The following DRD3 variants were observed in gnomAD, a reference collection of about 807,000 sequenced individuals.
The protein encoded by DRD3 is D(3) dopamine receptor.
A neutral mutation model predicts 36.3 loss-of-function variants in DRD3; 19 were observed. That is an observed-to-expected ratio of 0.52 (90% CI 0.36 to 0.77). The LOEUF (loss-of-function observed/expected upper bound fraction) is 0.77. Among genes scored for constraint, DRD3 ranks in the 30% least tolerant of loss-of-function variants. The pLI is 0.00. For synonymous variants in DRD3, 195 were observed against 203.7 expected (o/e 0.96, Z 0.36); for missense variants, 465 against 505.3 (o/e 0.92, Z 0.77).
At chr3:114,171,284 A>T (rs1008102575) in intron 2 of DRD3, among the ~76,000 whole-genome samples, 7 of 150,016 alleles carry the variant, frequency 4.7e-5, no homozygotes, top group Admixed American at 3.3e-4. Context: ...ACATTCACTA[A>T]TTTTTTTTTT....
upstream of DRD3, among the ~76,000 whole-genome samples, chr3:114,181,443 A>C (rs962154859): frequency 2.0e-5 from 3 of 152,240 alleles, no homozygotes; most frequent in Admixed American, 1.3e-4. Flanking sequence ...GGCACTTCCC[A>C]TTCATACAAC....
At chr3:114,164,220 CAAAAA>C (rs34500434) in intron 2 of DRD3, among the ~76,000 whole-genome samples, 160 of 17,736 alleles carry the variant, frequency 9.0e-3, no homozygotes, top group African/African-American at 0.016. Flanking sequence ...GCCTCAGTCT[CAAAAA>C]AAAAAAAAAA....
upstream of DRD3, among the ~76,000 whole-genome samples, chr3:114,179,436 G>A (rs114607171): frequency 6.6e-4 from 101 of 152,286 alleles, no homozygotes; most frequent in African/African-American, 2.3e-3. Flanking sequence ...AATGTTAAAT[G>A]TTTACTTAGC....
chr3:114,176,507 A>G lies in DRD3; in HGVS notation c.-36+2150T>C, dbSNP rs112575208. Among the ~76,000 whole-genome samples the G allele has an allele frequency of 4.4e-3, 672 of 152,250 alleles. 4 individuals carry two copies. The highest frequency in any genetic ancestry group is 0.015 in the African/African-American group (605 of 41,552). On this transcript the variant is annotated intron_variant, in intron 1 of 6. Coordinates refer to ENST00000383673, the MANE Select transcript of DRD3 (RefSeq NM_000796.6). Reference sequence around the variant, plus strand: ...GTATTCCCAGCTACTCGAAAGACTGAGGCAGGAAGATTGCTTGAGTCCAGG... The same window carrying G: ...GTATTCCCAGCTACTCGAAAGACTGGGGCAGGAAGATTGCTTGAGTCCAGG...
upstream of DRD3, among the ~76,000 whole-genome samples, chr3:114,182,810 A>T (rs946549167): frequency 6.6e-6 from 1 of 152,152 alleles, no homozygotes; most frequent in South Asian, 2.1e-4. Flanking sequence ...AAATTCATTG[A>T]TATTGAAGTA....
intron 1 of DRD3, among the ~76,000 whole-genome samples, chr3:114,176,530 A>G (rs1197186620): frequency 6.6e-6 from 1 of 152,138 alleles, no homozygotes; most frequent in African/African-American, 2.4e-5. Flanking sequence ...GCTTGAGTCC[A>G]GGAGTTAGAG....
At position 114,143,723 on chromosome 3, in the gene DRD3, G is replaced by A. The variant is rs1049041428; in HGVS notation, c.526+3692C>T. ...AGCTCCAGTGCTCTGAAAACTAGGT[G>A]AGATGTTCTATTGATGAAATCAAAT... On this transcript the variant is annotated intron_variant, in intron 4 of 6. Coordinates refer to ENST00000383673, the MANE Select transcript of DRD3 (RefSeq NM_000796.6). 2.5e-4 allele frequency among the ~76,000 whole-genome samples: 38 copies of A among 152,150 alleles called. 1 individual carries two copies. Among genetic ancestry groups the A allele is most frequent in the Admixed American group, 1.2e-3 (18 of 15,280 alleles).
chr3:114,148,762 G>C (rs1480055735), intron 3 of DRD3, among the ~76,000 whole-genome samples: 1 of 152,126 alleles, frequency 6.6e-6, no homozygotes, highest in African/African-American at 2.4e-5. Context: ...GCCCAGGCTG[G>C]AGTGCAGTGG....
intron 1 of DRD3, among the ~76,000 whole-genome samples, chr3:114,196,320 T>G (rs1478268494): frequency 1.3e-5 from 2 of 152,160 alleles, no homozygotes; most frequent in East Asian, 3.8e-4. Context: ...ACTTTTTCAT[T>G]TTTATTTTTT....
At chr3:114,159,978 C>T (rs769054339) in intron 2 of DRD3, 111 bp from the exon 3 acceptor site, 466 of 849,706 alleles carry the variant, frequency 5.5e-4, no homozygotes, top group Non-Finnish European at 7.5e-4. Flanking sequence ...CACTCCTACT[C>T]CCTGTGTACC....
chr3:114,146,481 G>A (rs970923511), intron 4 of DRD3, among the ~76,000 whole-genome samples: 8 of 152,086 alleles, frequency 5.3e-5, no homozygotes, highest in African/African-American at 1.9e-4. Flanking sequence ...ATTTTGGGAG[G>A]CCGAGGCGGG....
intron 4 of DRD3, among the ~76,000 whole-genome samples, chr3:114,144,020 C>A (rs1353399133): frequency 1.3e-5 from 2 of 152,230 alleles, no homozygotes; most frequent in Non-Finnish European, 2.9e-5. Context: ...CACCAGCACA[C>A]CATGCTCTGC....
Position 114,127,770 on chromosome 3 carries a change from CATT to C in DRD3, c.*943_*945del, listed in dbSNP as rs1402158178. On this transcript the variant is annotated 3_prime_UTR_variant, in exon 7 of 7. Coordinates refer to ENST00000383673, the MANE Select transcript of DRD3 (RefSeq NM_000796.6). ...TTAAGTGATAGAAATTCTTCAGCTC[CATT>C]ATTATCTTATGAGACCACCGTTGTA... is the stretch of plus-strand genomic sequence containing the variant. Among the ~76,000 whole-genome samples the C allele has an allele frequency of 6.6e-6, 1 of 152,102 alleles. No individual in the cohort carries two copies. Among genetic ancestry groups the C allele is most frequent in the Non-Finnish European group, 1.5e-5 (1 of 68,022 alleles).
rs2077392059 is a variant in DRD3 at position 114,127,644 on chromosome 3, A to G, written c.*1072T>C. ...AGTATTACGTACTGTACACAATTGT[A>G]TACTTTTACACGACTGGCAGCATCA... On this transcript the variant is annotated 3_prime_UTR_variant, in exon 7 of 7. Coordinates refer to ENST00000383673, the MANE Select transcript of DRD3 (RefSeq NM_000796.6). Among the ~76,000 whole-genome samples, 1 of 152,268 alleles carries G rather than the reference A, an allele frequency of 6.6e-6. No individual in the cohort carries two copies. Among genetic ancestry groups the G allele is most frequent in the African/African-American group, 2.4e-5 (1 of 41,480 alleles).
chr3:114,199,340 T>G (rs2078052937), exon 1 of DRD3: 1 of 152,408 alleles, frequency 6.6e-6, no homozygotes, highest in Non-Finnish European at 1.5e-5. Flanking sequence ...TGCTGTGTCA[T>G]CTCATGGCGG....
chr3:114,193,290 GACAACAACA>G (rs201054154), intron 1 of DRD3, among the ~76,000 whole-genome samples: 4 of 125,700 alleles, frequency 3.2e-5, no homozygotes, highest in East Asian at 2.1e-4. Flanking sequence ...AAACAACAAC[GACAACAACA>G]ACAACAACAA....
At chr3:114,166,106 C>A (rs1274705507) in intron 2 of DRD3, among the ~76,000 whole-genome samples, 1 of 151,616 alleles carries the variant, frequency 6.6e-6, no homozygotes, top group East Asian at 1.9e-4. Context: ...CTGCCTTAGC[C>A]TCCCAAGTAT....
chr3:114,186,648 A>G (rs1237354414), intron 1 of DRD3, among the ~76,000 whole-genome samples: 1 of 152,224 alleles, frequency 6.6e-6, no homozygotes, highest in Non-Finnish European at 1.5e-5. Flanking sequence ...TGTATGCCAC[A>G]TTGCTGGAAG....
At chr3:114,185,860 A>C (rs1190784681) in intron 1 of DRD3, among the ~76,000 whole-genome samples, 1 of 152,126 alleles carries the variant, frequency 6.6e-6, no homozygotes, top group Non-Finnish European at 1.5e-5. Context: ...ATTTATTTAT[A>C]GAAGTGGAGT....
Sources: gnomAD v4.1 joint callset for allele counts (sites outside exome capture counted in the v4.1 genomes callset) on GRCh38, gnomAD v4.1.1 for gene constraint, MANE v1.5 for transcripts, NCBI Gene and HGNC (gene_info 2026-07-23, HGNC 2026-07-21) for gene names.